The following GALNTL6 variants were observed in gnomAD, a reference collection of about 807,000 sequenced individuals.
The protein encoded by GALNTL6 is polypeptide N-acetylgalactosaminyltransferase-like 6.
In GALNTL6, 46 loss-of-function variants were observed where a neutral mutation model predicts 73.7. The observed-to-expected ratio is 0.62, with a 90% CI of 0.49 to 0.80. The LOEUF (loss-of-function observed/expected upper bound fraction) is 0.80, where lower values mean the gene tolerates loss of function less well. Among genes scored for constraint, GALNTL6 ranks in the 30% least tolerant of loss-of-function variants. GALNTL6 has a pLI of 0.00. For synonymous variants in GALNTL6, 259 were observed against 263.7 expected, an observed-to-expected ratio of 0.98 and a Z score of 0.17; for missense variants, 604 against 755.0, an observed-to-expected ratio of 0.80 and a Z score of 2.34.
chr4:172,072,240 A>AT (rs71244912), intron 2 of GALNTL6, among the ~76,000 whole-genome samples: 3,785 of 148,676 alleles, frequency 0.025, 166 homozygotes, highest in African/African-American at 0.087. Flanking sequence ...TAGTTTATTG[A>AT]TTTTTTTTTT....
chr4:171,904,543 G>C (rs1737212257), intron 2 of GALNTL6, among the ~76,000 whole-genome samples: 1 of 152,170 alleles, frequency 6.6e-6, no homozygotes, highest in Non-Finnish European at 1.5e-5. Context: ...GTGACGGGGA[G>C]AATGGAACCA....
intron 2 of GALNTL6, among the ~76,000 whole-genome samples, chr4:172,192,468 A>G (rs998538282): frequency 3.3e-5 from 5 of 151,938 alleles, no homozygotes; most frequent in Non-Finnish European, 5.9e-5. Context: ...CTGCACCTTC[A>G]GCTGAGATAT....
At chr4:172,386,293 G>A (rs1182585541) in intron 5 of GALNTL6, among the ~76,000 whole-genome samples, 1 of 152,150 alleles carries the variant, frequency 6.6e-6, no homozygotes, top group Non-Finnish European at 1.5e-5. Flanking sequence ...CAGCTCTGGA[G>A]TCTGGAAAGT....
At chr4:172,149,609 G>GACC (rs1284666757) in intron 2 of GALNTL6, among the ~76,000 whole-genome samples, 1 of 152,036 alleles carries the variant, frequency 6.6e-6, no homozygotes, top group Non-Finnish European at 1.5e-5. Flanking sequence ...GCCGAGCCCT[G>GACC]GTTTTCGCCC....
At position 172,842,067 on chromosome 4, in the gene GALNTL6, C is replaced by A. The variant is rs148052737; in HGVS notation, c.923+28344C>A. Among the ~76,000 whole-genome samples the A allele has an allele frequency of 1.7e-3, 256 of 152,266 alleles. 2 individuals are homozygous for A. The South Asian group carries it at 0.02, about 12-fold the overall frequency. ...CCCATTTCACCAATAAGAAAACAGG[C>A]TCACAAGGATGAAGTGACTTACTCA... On this transcript the variant is annotated intron_variant, in intron 7 of 12. Transcript: ENST00000506823.
intron 10 of GALNTL6, among the ~76,000 whole-genome samples, chr4:172,989,796 T>C (rs555481396): frequency 2.0e-5 from 3 of 152,320 alleles, no homozygotes; most frequent in African/African-American, 7.2e-5. Context: ...TTAAACCTCT[T>C]TTCTTATAAA....
At chr4:172,707,813 T>C (rs556654113) in intron 5 of GALNTL6, among the ~76,000 whole-genome samples, 1 of 152,224 alleles carries the variant, frequency 6.6e-6, no homozygotes, top group Non-Finnish European at 1.5e-5. Context: ...GCCAAACTGT[T>C]TAACAGGATT....
At chr4:172,248,863 T>C (rs1003927730) in intron 3 of GALNTL6, among the ~76,000 whole-genome samples, 1 of 152,186 alleles carries the variant, frequency 6.6e-6, no homozygotes, top group Non-Finnish European at 1.5e-5. Flanking sequence ...TTATAAGTTT[T>C]CTGAGGCCTC....
chr4:172,825,052 TTTTC>T (rs1159318947), intron 7 of GALNTL6, among the ~76,000 whole-genome samples: 7 of 69,284 alleles, frequency 1.0e-4, no homozygotes, highest in African/African-American at 2.7e-4. Context: ...GACAATTCTT[TTTTC>T]TTTTTTTTTT....
At chr4:172,761,644 T>A (rs1173807226) in intron 5 of GALNTL6, among the ~76,000 whole-genome samples, 2 of 149,130 alleles carry the variant, frequency 1.3e-5, no homozygotes, top group African/African-American at 5.0e-5. Flanking sequence ...GGTTTAAAAG[T>A]GTGAGAGCTT....
intron 5 of GALNTL6, among the ~76,000 whole-genome samples, chr4:172,367,583 G>A (rs769059380): frequency 6.6e-6 from 1 of 152,108 alleles, no homozygotes; most frequent in Non-Finnish European, 1.5e-5. Flanking sequence ...AAAAAAAAGT[G>A]TTGCTTCTAT....
intron 2 of GALNTL6, among the ~76,000 whole-genome samples, chr4:171,903,094 A>G (rs910262061): frequency 6.6e-6 from 1 of 152,148 alleles, no homozygotes; most frequent in Admixed American, 6.5e-5. Context: ...TTAAGAACTT[A>G]AAGAGATTGA....
At chr4:172,483,451 T>A (rs967499166) in intron 5 of GALNTL6, among the ~76,000 whole-genome samples, 1 of 152,142 alleles carries the variant, frequency 6.6e-6, no homozygotes, top group African/African-American at 2.4e-5. Flanking sequence ...TCTGGACACG[T>A]ATATAAAGAG....
chr4:171,847,020 CTCTT>C (rs1735393765), intron 2 of GALNTL6, among the ~76,000 whole-genome samples: 1 of 149,832 alleles, frequency 6.7e-6, no homozygotes, highest in Admixed American at 6.7e-5. Flanking sequence ...CTATATCTCT[CTCTT>C]TCTCTCTGTG....
intron 5 of GALNTL6, among the ~76,000 whole-genome samples, chr4:172,661,994 G>A (rs984164117): frequency 2.0e-5 from 3 of 152,130 alleles, no homozygotes; most frequent in African/African-American, 4.8e-5. Context: ...CCTGTAGACA[G>A]GCTACACAGA....
intron 5 of GALNTL6, among the ~76,000 whole-genome samples, chr4:172,786,139 T>C (rs1275009939): frequency 2.0e-5 from 3 of 150,934 alleles, no homozygotes; most frequent in East Asian, 3.9e-4. Flanking sequence ...AAAAAAAAAG[T>C]ACTTGAACTC....
intron 5 of GALNTL6, among the ~76,000 whole-genome samples, chr4:172,460,534 A>G (rs755080173): frequency 2.0e-5 from 3 of 152,180 alleles, no homozygotes; most frequent in African/African-American, 4.8e-5. Context: ...GAAAAAGACA[A>G]CCCCATCAAA....
At chr4:172,832,384 A>T (rs1370938767) in intron 7 of GALNTL6, among the ~76,000 whole-genome samples, 1 of 152,202 alleles carries the variant, frequency 6.6e-6, no homozygotes, top group Admixed American at 6.5e-5. Flanking sequence ...AGCATGCTAA[A>T]ATATTTTAAA....
chr4:171,883,027 T>G (rs1302472789), intron 2 of GALNTL6, among the ~76,000 whole-genome samples: 1 of 152,186 alleles, frequency 6.6e-6, no homozygotes, highest in African/African-American at 2.4e-5. Context: ...AGGTGTGTTT[T>G]AAATTCTCTT....
Sources: gnomAD v4.1 joint callset for allele counts (sites outside exome capture counted in the v4.1 genomes callset) on GRCh38, gnomAD v4.1.1 for gene constraint, MANE v1.5 for transcripts, NCBI Gene and HGNC (gene_info 2026-07-23, HGNC 2026-07-21) for gene names.